Variants in RBMS3 observed in about 807,000 individuals in gnomAD.
RBMS3 encodes the protein RNA-binding motif, single-stranded-interacting protein 3.
Under a neutral mutation model 66.8 loss-of-function variants are expected in RBMS3, and 27 were observed. The ratio of observed to expected loss-of-function variants is 0.40; its 90% CI spans 0.30 to 0.56. RBMS3 has a LOEUF of 0.56. Among genes scored for constraint, RBMS3 ranks in the 20% least tolerant of loss-of-function variants. RBMS3 has a pLI of 0.40. For synonymous variants in RBMS3, 188 were observed against 183.0 expected (o/e 1.03, Z -0.22); for missense variants, 513 against 549.5 (o/e 0.93, Z 0.66).
Position 29,559,636 on chromosome 3 carries a change from A to G in RBMS3, c.308-27478A>G, listed in dbSNP as rs1400266460. On this transcript the variant is annotated intron_variant, in intron 3 of 14. Transcript: ENST00000383767. ...CTTGTTTATTCTTGCTTGTTCCAGG[A>G]TTTTCAAACTTGTCTACAAAACTAT... 2.1e-5 allele frequency among the ~76,000 whole-genome samples: 3 copies of G among 146,162 alleles called. No homozygotes were observed. The Admixed American group carries it at 2.1e-4, about 10-fold the overall frequency.
chr3:29,550,605 TA>T (rs1444150903), intron 3 of RBMS3, among the ~76,000 whole-genome samples: 1 of 152,168 alleles, frequency 6.6e-6, no homozygotes, highest in Non-Finnish European at 1.5e-5. Flanking sequence ...TAATATATAG[TA>T]TACAGTATTA....
At chr3:29,985,238 G>A (rs1698294792) in intron 12 of RBMS3, among the ~76,000 whole-genome samples, 1 of 152,174 alleles carries the variant, frequency 6.6e-6, no homozygotes, top group Admixed American at 6.5e-5. Flanking sequence ...CCCACACCAA[G>A]CGCCAGCATC....
At chr3:29,800,165 C>G (rs775641214) in intron 6 of RBMS3, among the ~76,000 whole-genome samples, 28 of 152,092 alleles carry the variant, frequency 1.8e-4, no homozygotes, top group Admixed American at 9.8e-4. Context: ...TTTATTCACT[C>G]CCTGCCCTTT....
At chr3:29,447,510 T>C (rs768092532) in intron 2 of RBMS3, among the ~76,000 whole-genome samples, 1 of 152,226 alleles carries the variant, frequency 6.6e-6, no homozygotes, top group Non-Finnish European at 1.5e-5. Context: ...AGACAAGTTA[T>C]GCAACTTCTC....
chr3:29,390,712 C>T (rs2039250630), intron 1 of RBMS3: 1 of 152,364 alleles, frequency 6.6e-6, no homozygotes, highest in African/African-American at 2.4e-5. Flanking sequence ...TCCCAAACCA[C>T]CTGATTAGCC....
intron 1 of RBMS3, among the ~76,000 whole-genome samples, chr3:29,311,080 T>A (rs903922287): frequency 6.6e-6 from 1 of 151,798 alleles, no homozygotes; most frequent in Admixed American, 6.6e-5. Flanking sequence ...CATAGGCATT[T>A]CTTTTCAAAT....
At chr3:29,882,470 C>A (rs2059759062) in intron 7 of RBMS3, among the ~76,000 whole-genome samples, 1 of 152,080 alleles carries the variant, frequency 6.6e-6, no homozygotes, top group African/African-American at 2.4e-5. Flanking sequence ...AACATGTGTT[C>A]TCAGTGCACC....
chr3:29,840,986 G>A (rs1281407392), intron 6 of RBMS3, among the ~76,000 whole-genome samples: 1 of 151,874 alleles, frequency 6.6e-6, no homozygotes, highest in Non-Finnish European at 1.5e-5. Context: ...ACAAACTCTT[G>A]TTTCCTAGCT....
intron 6 of RBMS3, among the ~76,000 whole-genome samples, chr3:29,810,211 AG>A (rs958221048): frequency 8.7e-4 from 132 of 152,278 alleles, no homozygotes; most frequent in African/African-American, 3.0e-3. Context: ...GATAAGAACA[AG>A]AGACATGATG....
chr3:29,507,879 A>G (rs1164635745), intron 3 of RBMS3, among the ~76,000 whole-genome samples: 1 of 152,166 alleles, frequency 6.6e-6, no homozygotes, highest in African/African-American at 2.4e-5. Flanking sequence ...AATGTTCATT[A>G]TATGTTTAAA....
At chr3:29,450,910 C>G (rs1195490632) in intron 2 of RBMS3, among the ~76,000 whole-genome samples, 2 of 113,998 alleles carry the variant, frequency 1.8e-5, no homozygotes, top group African/African-American at 6.7e-5. Flanking sequence ...GATACACACA[C>G]ACACACACAC....
intron 4 of RBMS3, among the ~76,000 whole-genome samples, chr3:29,627,902 T>C (rs1156242745): frequency 6.6e-6 from 1 of 152,112 alleles, no homozygotes; most frequent in Non-Finnish European, 1.5e-5. Flanking sequence ...CTGTGTCAGA[T>C]ATGAGGGGGT....
chr3:29,501,387 C>T (rs2043966464), intron 3 of RBMS3, among the ~76,000 whole-genome samples: 1 of 152,128 alleles, frequency 6.6e-6, no homozygotes. Flanking sequence ...CTGTTGCAGA[C>T]ATTTTAAAAA....
At chr3:29,449,553 C>T (rs1459439011) in intron 2 of RBMS3, among the ~76,000 whole-genome samples, 1 of 152,080 alleles carries the variant, frequency 6.6e-6, no homozygotes, top group East Asian at 1.9e-4. Flanking sequence ...ATTTAGAAAA[C>T]CAATAAAATA....
intron 1 of RBMS3, among the ~76,000 whole-genome samples, chr3:29,408,631 C>T (rs1263003582): frequency 6.6e-6 from 1 of 152,090 alleles, no homozygotes; most frequent in Non-Finnish European, 1.5e-5. Context: ...CATTATGATA[C>T]ACTTTTTTTA....
At chr3:29,968,256 C>T (rs754366540) in intron 12 of RBMS3, among the ~76,000 whole-genome samples, 2 of 152,128 alleles carry the variant, frequency 1.3e-5, no homozygotes, top group Non-Finnish European at 2.9e-5. Context: ...AAAACTTGCC[C>T]GAGGCTTTCT....
intron 1 of RBMS3, among the ~76,000 whole-genome samples, chr3:29,362,401 C>T (rs935703675): frequency 3.9e-5 from 6 of 152,230 alleles, no homozygotes; most frequent in Non-Finnish European, 5.9e-5. Flanking sequence ...CTGATCATTT[C>T]TCTGGAGGTT....
At chr3:29,623,027 G>C (rs13096427) in intron 4 of RBMS3, among the ~76,000 whole-genome samples, 1 of 150,878 alleles carries the variant, frequency 6.6e-6, no homozygotes, top group African/African-American at 2.4e-5. Context: ...TGAGGAAGGA[G>C]AATGGCGTGA....
At chr3:29,979,924 G>A (rs1178246189) in intron 12 of RBMS3, among the ~76,000 whole-genome samples, 1 of 152,212 alleles carries the variant, frequency 6.6e-6, no homozygotes, top group African/African-American at 2.4e-5. Flanking sequence ...ACAGTAGAAA[G>A]ATTTATAATC....
Sources: gnomAD v4.1 joint callset for allele counts (sites outside exome capture counted in the v4.1 genomes callset) on GRCh38, gnomAD v4.1.1 for gene constraint, MANE v1.5 for transcripts, NCBI Gene and HGNC (gene_info 2026-07-23, HGNC 2026-07-21) for gene names.